The following STIM1 variants were observed in gnomAD, a reference collection of about 807,000 sequenced individuals.
The protein encoded by STIM1 is stromal interaction molecule 1.
A neutral mutation model predicts 74.7 loss-of-function variants in STIM1; 25 were observed. The ratio of observed to expected loss-of-function variants is 0.33; its 90% CI spans 0.24 to 0.47. STIM1 has a LOEUF of 0.47. STIM1 is among the 20% of genes least tolerant of loss of function. The probability of loss-of-function intolerance (pLI) is 1.00; values close to 1 mark genes in which losing one functional copy is unlikely to be tolerated. For missense variants in STIM1, 728 were observed against 920.8 expected (o/e 0.79, Z 2.71); for synonymous variants, 328 against 348.8 (o/e 0.94, Z 0.66).
intron 3 of STIM1, among the ~76,000 whole-genome samples, chr11:4,029,334 C>T (rs750542176): frequency 2.0e-5 from 3 of 152,096 alleles, no homozygotes; most frequent in East Asian, 1.9e-4. Flanking sequence ...TCCTGAATAA[C>T]GTCACTTCAT....
intron 1 of STIM1, among the ~76,000 whole-genome samples, chr11:3,886,644 C>T (rs536039021): frequency 3.3e-4 from 46 of 141,376 alleles, no homozygotes; most frequent in South Asian, 6.6e-4. Flanking sequence ...GCAGACATCA[C>T]GCCACCTCAC....
At chr11:3,999,345 A>G (rs1209058335) in intron 2 of STIM1, among the ~76,000 whole-genome samples, 2 of 152,248 alleles carry the variant, frequency 1.3e-5, no homozygotes, top group African/African-American at 4.8e-5. Flanking sequence ...ACCAACAAAC[A>G]GCAAACTGGA....
intron 2 of STIM1, among the ~76,000 whole-genome samples, chr11:4,016,829 C>T (rs1349818627): frequency 6.6e-6 from 1 of 152,242 alleles, no homozygotes; most frequent in Non-Finnish European, 1.5e-5. Flanking sequence ...TCTCAGACTG[C>T]TGTGCTAGCA....
chr11:3,867,667 G>A (rs890432068), intron 1 of STIM1, among the ~76,000 whole-genome samples: 3 of 152,212 alleles, frequency 2.0e-5, no homozygotes, highest in Admixed American at 1.3e-4. Context: ...CCTTCAAGAC[G>A]CTGGGGAGGG....
intron 1 of STIM1, among the ~76,000 whole-genome samples, chr11:3,894,051 G>A (rs2091980654): frequency 6.6e-6 from 1 of 152,008 alleles, no homozygotes; most frequent in African/African-American, 2.4e-5. Flanking sequence ...TGGGACTAGA[G>A]GTGTGAGCCA....
intron 2 of STIM1, among the ~76,000 whole-genome samples, chr11:3,992,583 G>A (rs1443771482): frequency 6.6e-6 from 1 of 151,950 alleles, no homozygotes; most frequent in Admixed American, 6.5e-5. Flanking sequence ...CACTTTCTTG[G>A]TTGTATCCTT....
chr11:3,976,162 A>T (rs1470184403), intron 2 of STIM1, among the ~76,000 whole-genome samples: 2 of 152,242 alleles, frequency 1.3e-5, no homozygotes, highest in Non-Finnish European at 2.9e-5. Context: ...TTGGATGAAC[A>T]CCTGTGGGGA....
chr11:4,022,158 C>T (rs1270857755), intron 2 of STIM1, among the ~76,000 whole-genome samples: 3 of 151,454 alleles, frequency 2.0e-5, no homozygotes, highest in Non-Finnish European at 4.4e-5. Flanking sequence ...GTGGTAAAAT[C>T]CCGTCTCTAC....
At chr11:4,044,413 A>T (rs1166218053) in intron 3 of STIM1, among the ~76,000 whole-genome samples, 2 of 152,072 alleles carry the variant, frequency 1.3e-5, no homozygotes, top group African/African-American at 4.8e-5. Context: ...ACAGAACAAG[A>T]CTTTTAACTT....
At chr11:3,882,062 T>C (rs927649416) in intron 1 of STIM1, among the ~76,000 whole-genome samples, 2 of 151,688 alleles carry the variant, frequency 1.3e-5, no homozygotes, top group Non-Finnish European at 2.9e-5. Context: ...GAGGTTCATC[T>C]ATATTGTAGC....
intron 1 of STIM1, chr11:3,947,241 C>T (rs1232884426): frequency 1.3e-5 from 2 of 152,120 alleles, no homozygotes; most frequent in Non-Finnish European, 2.9e-5. Flanking sequence ...AGCCCATTTC[C>T]TGTGTTTACA....
intron 1 of STIM1, among the ~76,000 whole-genome samples, chr11:3,888,847 C>G (rs979256166): frequency 2.6e-5 from 4 of 152,034 alleles, no homozygotes; most frequent in African/African-American, 9.7e-5. Flanking sequence ...CCACCATGCC[C>G]GGCCGCCGTG....
chr11:4,050,691 C>T (rs1343066151), intron 3 of STIM1, among the ~76,000 whole-genome samples: 2 of 152,146 alleles, frequency 1.3e-5, no homozygotes, highest in African/African-American at 4.8e-5. Flanking sequence ...TGCTGACTGT[C>T]CCTTTTCCCC....
intron 2 of STIM1, among the ~76,000 whole-genome samples, chr11:3,981,456 G>C (rs1271764463): frequency 1.3e-5 from 2 of 152,090 alleles, no homozygotes; most frequent in Non-Finnish European, 2.9e-5. Context: ...TTCTCTTAAG[G>C]GTGCTGAGTT....
At chr11:3,968,982 A>C (rs1036033574) in intron 2 of STIM1, among the ~76,000 whole-genome samples, 1 of 152,188 alleles carries the variant, frequency 6.6e-6, no homozygotes, top group Non-Finnish European at 1.5e-5. Flanking sequence ...TGCAGATCTG[A>C]TTTCAAAGCC....
At chr11:3,960,502 A>G (rs146986365) in intron 1 of STIM1, among the ~76,000 whole-genome samples, 2 of 152,370 alleles carry the variant, frequency 1.3e-5, no homozygotes, top group Non-Finnish European at 2.9e-5. Flanking sequence ...TAGTTTCCAA[A>G]TGACAAGTGC....
At position 3,923,608 on chromosome 11, in the gene STIM1, C is replaced by CAA. The variant is rs770788044; in HGVS notation, c.140-43928_140-43927dup. On this transcript the variant is annotated intron_variant, in intron 1 of 12. Transcript: ENST00000526596. ...CAGGCGACAGAGTGAGACCCTATCT[C>CAA]AAAAAAAAAAAAAAAAAGGTCATTC... Among the ~76,000 whole-genome samples, 187 of 108,114 alleles carry CAA rather than the reference C, an allele frequency of 1.7e-3. 3 individuals are homozygous for CAA. Among genetic ancestry groups the CAA allele is most frequent in the African/African-American group, 4.1e-3 (138 of 33,434 alleles). 70.9% of individuals were successfully genotyped at this position (108,114 alleles called of 152,430 possible).
At chr11:3,922,516 A>T (rs2092729597) in intron 1 of STIM1, 1 of 152,200 alleles carries the variant, frequency 6.6e-6, no homozygotes, top group African/African-American at 2.4e-5. Context: ...TCAGTTTATC[A>T]ACCTTTTCCT....
At chr11:4,011,557 C>A (rs953596158) in intron 2 of STIM1, among the ~76,000 whole-genome samples, 5 of 152,140 alleles carry the variant, frequency 3.3e-5, no homozygotes, top group Admixed American at 2.6e-4. Flanking sequence ...TCTTCACCTA[C>A]TTTTTGATTG....
Sources: allele counts gnomAD v4.1 joint callset (sites outside exome capture counted in the v4.1 genomes callset), GRCh38; gene constraint gnomAD v4.1.1; transcripts MANE v1.5; gene names NCBI Gene and HGNC (gene_info 2026-07-23, HGNC 2026-07-21).